The following NOX4 variants were observed in gnomAD, a reference collection of about 807,000 sequenced individuals.
NOX4 encodes kidney oxidase-1.
In NOX4, 69 loss-of-function variants were observed where a neutral mutation model predicts 87.6. That is an observed-to-expected ratio of 0.79 (90% CI 0.65 to 0.96). The LOEUF is 0.96. Ranked by LOEUF, NOX4 falls within the 40% of genes least tolerant of loss-of-function variation. The pLI, the probability that NOX4 is intolerant of heterozygous loss-of-function variation, is 0.00. For missense variants in NOX4, 680 were observed against 681.5 expected, an observed-to-expected ratio of 1.00 and a Z score of 0.02; for synonymous variants, 275 against 238.2, an observed-to-expected ratio of 1.15 and a Z score of -1.42.
At chr11:89,451,559 C>CATA (rs1239873108) in intron 3 of NOX4, among the ~76,000 whole-genome samples, 6 of 152,172 alleles carry the variant, frequency 3.9e-5, no homozygotes, top group African/African-American at 1.2e-4. Flanking sequence ...AAACACTAAG[C>CATA]ATAGTGCTGG....
At chr11:89,365,067 T>C (rs947100072) in intron 12 of NOX4, among the ~76,000 whole-genome samples, 3 of 152,140 alleles carry the variant, frequency 2.0e-5, no homozygotes, top group African/African-American at 7.2e-5. Context: ...TTTTACTTTC[T>C]TCTTGCCTAA....
intron 13 of NOX4, among the ~76,000 whole-genome samples, chr11:89,351,086 G>T (rs1332981000): frequency 6.6e-6 from 1 of 152,176 alleles, no homozygotes; most frequent in African/African-American, 2.4e-5. Context: ...AGTTTCTGAA[G>T]AAAATTTAAA....
At chr11:89,420,894 C>T (rs972341738) in intron 8 of NOX4, among the ~76,000 whole-genome samples, 1 of 152,078 alleles carries the variant, frequency 6.6e-6, no homozygotes, top group African/African-American at 2.4e-5. Flanking sequence ...CAGACCTCAG[C>T]CTCCTTGTGT....
chr11:89,328,868 AG>A (rs1347095007), intron 17 of NOX4, among the ~76,000 whole-genome samples: 2 of 152,138 alleles, frequency 1.3e-5, no homozygotes, highest in Admixed American at 1.3e-4. Context: ...GTGCATGCAC[AG>A]AGAAAAAGCC....
chr11:89,408,546 C>T (rs899242522), intron 8 of NOX4, among the ~76,000 whole-genome samples: 7 of 152,038 alleles, frequency 4.6e-5, no homozygotes, highest in African/African-American at 1.4e-4. Context: ...ATCTGGGTAC[C>T]CACCCTACCA....
intron 17 of NOX4, among the ~76,000 whole-genome samples, chr11:89,328,776 A>C (rs1274362951): frequency 6.6e-6 from 1 of 152,098 alleles, no homozygotes. Context: ...AGTTAAAATG[A>C]AGGTACTAGG....
chr11:89,426,020 A>C (rs371780483), intron 7 of NOX4, among the ~76,000 whole-genome samples: 188 of 152,228 alleles, frequency 1.2e-3, no homozygotes, highest in South Asian at 9.1e-3. Flanking sequence ...ATTCTGAAAA[A>C]CTGAATGTGT....
the NOX4 span, among the ~76,000 whole-genome samples, chr11:89,541,353 A>G: frequency 4.6e-5 from 7 of 152,136 alleles, no homozygotes; most frequent in Admixed American, 2.0e-4. Flanking sequence ...CCAGCCTCCA[A>G]TAATATTTTT....
At chr11:89,432,360 T>TAAATA (rs1278497404) in intron 7 of NOX4, among the ~76,000 whole-genome samples, 6 of 151,454 alleles carry the variant, frequency 4.0e-5, no homozygotes, top group Non-Finnish European at 7.4e-5. Context: ...AATAAAAAAA[T>TAAATA]AAATAAAATA....
intron 2 of NOX4, among the ~76,000 whole-genome samples, chr11:89,487,101 G>A (rs1214932684): frequency 2.0e-5 from 3 of 152,114 alleles, no homozygotes; most frequent in Non-Finnish European, 4.4e-5. Context: ...ACATGGACCA[G>A]TGAAGTCGTT....
chr11:89,424,058 G>A (rs1378490205), intron 7 of NOX4, among the ~76,000 whole-genome samples: 4 of 151,718 alleles, frequency 2.6e-5, no homozygotes, highest in African/African-American at 7.3e-5. Flanking sequence ...GGATGAGAGA[G>A]AAAGACCCTG....
In NOX4 at chr11:89,346,290, T is replaced by C. The variant is rs566401006; in HGVS notation, c.1218-4097A>G. Among the ~76,000 whole-genome samples the C allele has an allele frequency of 4.6e-5, 7 of 152,304 alleles. No individual in the cohort carries two copies. The East Asian group carries it at 1.4e-3, about 29-fold the overall frequency. ...ATTCTGAATGATTCAGTCAAGGCCTTACAAATTAATTAATTTAAAGTCTGT... is the reference window on the plus strand; with the variant it reads ...ATTCTGAATGATTCAGTCAAGGCCTCACAAATTAATTAATTTAAAGTCTGT... On this transcript the variant is annotated intron_variant, in intron 13 of 17. Transcript: ENST00000263317.
At chr11:89,399,863 C>G (rs1941723663) in intron 11 of NOX4, among the ~76,000 whole-genome samples, 154 bp downstream of exon 11, 1 of 151,952 alleles carries the variant, frequency 6.6e-6, no homozygotes, top group African/African-American at 2.4e-5. Context: ...AGTTCTTGAG[C>G]AGATAACTAT....
At chr11:89,572,844 T>C in the NOX4 span, among the ~76,000 whole-genome samples, 1 of 152,182 alleles carries the variant, frequency 6.6e-6, no homozygotes, top group African/African-American at 2.4e-5. Flanking sequence ...TTTATTTACA[T>C]TAAATATTTT....
chr11:89,375,726 A>C (rs1289809793), intron 11 of NOX4, among the ~76,000 whole-genome samples: 2 of 152,162 alleles, frequency 1.3e-5, no homozygotes, highest in Admixed American at 6.5e-5. Context: ...AAGGCTGACC[A>C]GAGTCTCTGT....
chr11:89,403,212 C>T (rs1031546710), intron 8 of NOX4, among the ~76,000 whole-genome samples: 13 of 152,038 alleles, frequency 8.6e-5, no homozygotes, highest in African/African-American at 3.1e-4. Flanking sequence ...TGTGAGAAAC[C>T]AAGACAAACC....
At chr11:89,408,574 C>T (rs1211823494) in intron 8 of NOX4, among the ~76,000 whole-genome samples, 4 of 152,140 alleles carry the variant, frequency 2.6e-5, no homozygotes, top group African/African-American at 7.2e-5. Flanking sequence ...TACTCCCACC[C>T]CTACTTTGTT....
At chr11:89,511,418 C>T in the NOX4 span, among the ~76,000 whole-genome samples, 4 of 151,770 alleles carry the variant, frequency 2.6e-5, no homozygotes, top group Non-Finnish European at 5.9e-5. Flanking sequence ...TCCCCCTATC[C>T]TCTGGTAACC....
the NOX4 span, among the ~76,000 whole-genome samples, chr11:89,585,968 A>G: frequency 1.3e-5 from 2 of 152,094 alleles, no homozygotes; most frequent in African/African-American, 2.4e-5. Context: ...ACAACATTTA[A>G]TTTCTTGTTC....
Sources: allele counts gnomAD v4.1 joint callset (sites outside exome capture counted in the v4.1 genomes callset), GRCh38; gene constraint gnomAD v4.1.1; transcripts MANE v1.5; gene names NCBI Gene and HGNC (gene_info 2026-07-23, HGNC 2026-07-21).